Variants in CCDC69 observed in about 807,000 individuals in gnomAD.
The protein encoded by CCDC69 is coiled-coil domain-containing protein 69.
Under a neutral mutation model 40.3 loss-of-function variants are expected in CCDC69, and 38 were observed. That is an observed-to-expected ratio of 0.94 (90% CI 0.73 to 1.24). The LOEUF (loss-of-function observed/expected upper bound fraction) is 1.24, where lower values mean the gene tolerates loss of function less well. Among genes scored for constraint, CCDC69 ranks in the 50% most tolerant of loss-of-function variants. CCDC69 has a pLI of 0.00. For synonymous variants in CCDC69, 141 were observed against 138.9 expected (o/e 1.02, Z -0.11); for missense variants, 389 against 357.9 (o/e 1.09, Z -0.70).
At chr5:151,188,169 C>T (rs997217688) in intron 4 of CCDC69, among the ~76,000 whole-genome samples, 2 of 152,156 alleles carry the variant, frequency 1.3e-5, no homozygotes, top group East Asian at 3.8e-4. Context: ...TCATAAAGTT[C>T]CTTTTGGAAA....
At chr5:151,222,388 G>T (rs1753146465) in intron 1 of CCDC69, among the ~76,000 whole-genome samples, 1 of 152,226 alleles carries the variant, frequency 6.6e-6, no homozygotes, top group Non-Finnish European at 1.5e-5. Flanking sequence ...TCCTCTTCCA[G>T]CTTGTGGAAG....
At chr5:151,200,008 T>G (rs1184426987) in intron 3 of CCDC69, among the ~76,000 whole-genome samples, 3 of 152,162 alleles carry the variant, frequency 2.0e-5, no homozygotes, top group Non-Finnish European at 4.4e-5. Context: ...CCCCTGGCAG[T>G]GCTGAGGCCG....
In CCDC69 at chr5:151,215,008, A is replaced by T. The variant is rs568666200; in HGVS notation, c.48+8915T>A. Among the ~76,000 whole-genome samples the T allele has an allele frequency of 2.0e-5, 3 of 152,300 alleles. No individual in the cohort carries two copies. The South Asian group carries it at 6.2e-4, about 32-fold the overall frequency. On this transcript the variant is annotated intron_variant, in intron 1 of 8. Coordinates refer to ENST00000355417, the MANE Select transcript of CCDC69 (RefSeq NM_015621.3). ...ATATCAGCTTCCCAGGGTGTCTGCT[A>T]GTTCTGGTTGCCTCAGAGGGCCTGG...
intron 1 of CCDC69, among the ~76,000 whole-genome samples, chr5:151,215,144 A>C (rs1022563672): frequency 6.6e-5 from 10 of 152,194 alleles, no homozygotes; most frequent in African/African-American, 2.4e-4. Flanking sequence ...GGGTGGGGAA[A>C]GAGACAGGCT....
Position 151,194,621 on chromosome 5 carries a change from G to A in CCDC69, c.319+4376C>T, listed in dbSNP as rs565935615. Among the ~76,000 whole-genome samples the A allele has an allele frequency of 1.2e-4, 18 of 152,256 alleles. No individual in the cohort carries two copies. In the South Asian group the frequency reaches 2.7e-3, roughly 23 times the overall value. On this transcript the variant is annotated intron_variant, in intron 4 of 8. Transcript: ENST00000355417. ...CAAGAATCTATACATGCGGCAGGGC[G>A]CGGTGGCTTACACCTGTAATCCCAG...
intron 1 of CCDC69, among the ~76,000 whole-genome samples, chr5:151,211,945 G>A (rs1752956568): frequency 1.3e-5 from 2 of 151,674 alleles, no homozygotes; most frequent in African/African-American, 4.8e-5. Flanking sequence ...CCCCAGGTTG[G>A]GGTCCTGACC....
chr5:151,205,273 G>C, intron 2 of CCDC69, 127 bp downstream of exon 2: 1 of 792,610 alleles, frequency 1.3e-6, no homozygotes, highest in Non-Finnish European at 2.2e-6. Flanking sequence ...TTTTAGACAC[G>C]ATACTCCTAT....
chr5:151,211,839 A>G (rs1752955261), intron 1 of CCDC69, among the ~76,000 whole-genome samples: 1 of 152,020 alleles, frequency 6.6e-6, no homozygotes, highest in Non-Finnish European at 1.5e-5. Context: ...CTCCATCTTT[A>G]GCAGTCTAGC....
intron 3 of CCDC69, 39 bp from the exon 4 acceptor site, chr5:151,199,123 A>T: frequency 6.5e-7 from 1 of 1,538,992 alleles, no homozygotes; most frequent in Non-Finnish European, 9.0e-7. Flanking sequence ...GAGATTGAGC[A>T]GGATCAGCAC....
chr5:151,218,111 T>C (rs1391299887), intron 1 of CCDC69, among the ~76,000 whole-genome samples: 2 of 152,198 alleles, frequency 1.3e-5, no homozygotes, highest in African/African-American at 4.8e-5. Context: ...TTGGCCTAGA[T>C]GTTCTGGAAG....
rs750309244 is a variant in CCDC69 at position 151,183,342 on chromosome 5, C to T, written c.*95G>A. On this transcript the variant is annotated 3_prime_UTR_variant, in exon 9 of 9. Transcript: ENST00000355417. ...ATCTCGCTCCCACCCTCGTTCCTTC[C>T]TGGAAAAGAACTGAGAGGCTCCTGC... The T allele has an allele frequency of 2.1e-6, 3 of 1,410,284 alleles. No individual in the cohort carries two copies. Among genetic ancestry groups the T allele is most frequent in the East Asian group, 4.9e-5 (2 of 40,846 alleles). The allele number at this position is 1,410,284 out of a possible 1,614,324, so 87.4% of individuals were successfully genotyped here. A position where few individuals can be genotyped will look rare whatever the true frequency, so the allele number is the denominator to read the frequency against.
At chr5:151,199,167 G>T in intron 3 of CCDC69, 83 bp from the exon 4 acceptor site, 2 of 1,132,302 alleles carry the variant, frequency 1.8e-6, no homozygotes, top group South Asian at 1.2e-5. Flanking sequence ...GGCCTACGTG[G>T]AACTTGGTGA....
intron 4 of CCDC69, among the ~76,000 whole-genome samples, chr5:151,194,800 A>G (rs546193613): frequency 6.6e-6 from 1 of 151,644 alleles, no homozygotes; most frequent in Non-Finnish European, 1.5e-5. Context: ...GGCTCAGGCA[A>G]AGAATTGCTT....
chr5:151,216,430 T>G (rs1018878479), intron 1 of CCDC69, among the ~76,000 whole-genome samples: 70 of 138,350 alleles, frequency 5.1e-4, no homozygotes, highest in African/African-American at 1.8e-3. Flanking sequence ...TTTTTTTTTT[T>G]GAGACTGAGT....
chr5:151,206,235 A>G (rs61507128), intron 1 of CCDC69, among the ~76,000 whole-genome samples: 2,091 of 152,330 alleles, frequency 0.014, 42 homozygotes, highest in African/African-American at 0.047. Flanking sequence ...TGAGCTGCAT[A>G]GGACAAGGTA....
rs771692586 is a variant in CCDC69 at position 151,185,984 on chromosome 5, G to T, written c.495+39C>A. 8 of 1,411,624 alleles carry T rather than the reference G, an allele frequency of 5.7e-6. No individual in the cohort carries two copies. The Admixed American group carries it at 1.3e-4, about 24-fold the overall frequency. The allele number at this position is 1,411,624 out of a possible 1,614,324, so 87.4% of individuals were successfully genotyped here. A position where few individuals can be genotyped will look rare whatever the true frequency, so the allele number is the denominator to read the frequency against. On this transcript the variant is annotated intron_variant, in intron 6 of 8. Coordinates refer to ENST00000355417, the MANE Select transcript of CCDC69 (RefSeq NM_015621.3). ...GTTGCCCGGCCCTGACCTCCCTGGA[G>T]ATTCAAGGAGGAAAAGCGCCCAGGG... is the stretch of plus-strand genomic sequence containing the variant.
intron 1 of CCDC69, among the ~76,000 whole-genome samples, chr5:151,220,032 C>A (rs1400936337): frequency 6.6e-6 from 1 of 152,156 alleles, no homozygotes; most frequent in Non-Finnish European, 1.5e-5. Context: ...AAACTGCTTT[C>A]CATGCCCCTT....
intron 1 of CCDC69, among the ~76,000 whole-genome samples, chr5:151,216,743 G>A (rs1040090795): frequency 3.2e-4 from 48 of 152,174 alleles, no homozygotes; most frequent in African/African-American, 1.1e-3. Context: ...AAGCAACAAC[G>A]CATTCAAGAA....
Position 151,187,465 on chromosome 5 carries a change from G to T in CCDC69, c.320-6C>A. On this transcript the variant is annotated splice_region_variant and splice_polypyrimidine_tract_variant and intron_variant, in intron 4 of 8. Coordinates refer to ENST00000355417, the MANE Select transcript of CCDC69 (RefSeq NM_015621.3). ...TTCATATGAGGCCCGGAGGACTGTA[G>T]GGAAAGGAGAACTCCATAAGCTCAA... 1 of 1,611,236 alleles carries T rather than the reference G, an allele frequency of 6.2e-7. No individual in the cohort carries two copies. The highest frequency in any genetic ancestry group is 1.1e-5 in the South Asian group (1 of 90,970).
Sources: allele counts gnomAD v4.1 joint callset (sites outside exome capture counted in the v4.1 genomes callset), GRCh38; gene constraint gnomAD v4.1.1; transcripts MANE v1.5; gene names NCBI Gene and HGNC (gene_info 2026-07-23, HGNC 2026-07-21).